Variants in FUT8 observed in about 807,000 individuals in gnomAD.
The protein encoded by FUT8 is fucosyltransferase 8, also known as alpha-(1,6)-fucosyltransferase.
In FUT8, 29 loss-of-function variants were observed where a neutral mutation model predicts 71.3. That is an observed-to-expected ratio of 0.41 (90% confidence interval 0.30 to 0.55). The LOEUF (loss-of-function observed/expected upper bound fraction) is 0.55. Among genes scored for constraint, FUT8 ranks in the 20% least tolerant of loss-of-function variants. The pLI, the probability that FUT8 is intolerant of heterozygous loss-of-function variation, is 0.34. For synonymous variants in FUT8, 254 were observed against 239.3 expected (o/e 1.06, Z -0.57); for missense variants, 544 against 702.1 (o/e 0.77, Z 2.55).
At chr14:65,506,585 A>C in intron 2 of FUT8, among the ~76,000 whole-genome samples, 1 of 152,236 alleles carries the variant, frequency 6.6e-6, no homozygotes, top group East Asian at 1.9e-4. Flanking sequence ...AAAATTGGGT[A>C]GTAAGGACAA....
At chr14:65,536,221 C>T (rs537192077) in intron 2 of FUT8, among the ~76,000 whole-genome samples, 1 of 152,214 alleles carries the variant, frequency 6.6e-6, no homozygotes, top group African/African-American at 2.4e-5. Context: ...CATTCTGTGC[C>T]TTTTAATTGG....
chr14:65,495,349 CA>C (rs1301314225), intron 2 of FUT8, among the ~76,000 whole-genome samples: 1 of 152,118 alleles, frequency 6.6e-6, no homozygotes, highest in Non-Finnish European at 1.5e-5. Flanking sequence ...GCAGAGTTTT[CA>C]CTTTGGCTGC....
the FUT8 span, among the ~76,000 whole-genome samples, chr14:65,376,064 CTGGGTGTCAGAG>C: frequency 6.6e-6 from 1 of 150,538 alleles, no homozygotes; most frequent in East Asian, 1.9e-4. Flanking sequence ...GCACTCCAGC[CTGGGTGTCAGAG>C]TGAGACCCTG....
At chr14:65,595,649 C>T (rs1306287483) in intron 3 of FUT8, among the ~76,000 whole-genome samples, 5 of 134,050 alleles carry the variant, frequency 3.7e-5, no homozygotes, top group African/African-American at 1.4e-4. Flanking sequence ...CTCTCTGTCA[C>T]CCAGGCTGGA....
chr14:65,521,665 C>G lies in FUT8; in HGVS notation c.-227-39672C>G, dbSNP rs575623135. Among the ~76,000 whole-genome samples the G allele has an allele frequency of 5.7e-4, 87 of 152,340 alleles. 1 individual carries two copies. The highest frequency in any genetic ancestry group is 1.8e-4 in the Non-Finnish European group (12 of 68,036). ...ATATTTAGAAACATAAGAAATTTAA[C>G]TGTGCATGGCACAAGGTGGTCTTAT... On this transcript the variant is annotated intron_variant, in intron 2 of 10. Coordinates refer to ENST00000673929, the MANE Select transcript of FUT8 (RefSeq NM_001371533.1).
At chr14:65,433,786 TTCTCTCTCTCTCTCTC>T (rs71126744) in intron 1 of FUT8, among the ~76,000 whole-genome samples, 4 of 144,870 alleles carry the variant, frequency 2.8e-5, no homozygotes, top group African/African-American at 8.0e-5. Context: ...CTTCTGTCTC[TTCTCTCTCTCTCTCTC>T]TCTCTCTCTC....
intron 9 of FUT8, among the ~76,000 whole-genome samples, chr14:65,727,433 T>C (rs1382469791): frequency 6.6e-6 from 1 of 152,166 alleles, no homozygotes; most frequent in African/African-American, 2.4e-5. Context: ...CCCAACACCA[T>C]GTGGAAGCTG....
chr14:65,365,654 C>T, the FUT8 span, among the ~76,000 whole-genome samples: 2 of 152,194 alleles, frequency 1.3e-5, no homozygotes, highest in South Asian at 4.2e-4. Context: ...CTCCCACCAG[C>T]GCCATGACAG....
chr14:65,452,953 C>T (rs1337442954), intron 1 of FUT8, among the ~76,000 whole-genome samples: 3 of 152,122 alleles, frequency 2.0e-5, no homozygotes, highest in Non-Finnish European at 4.4e-5. Flanking sequence ...GTCCTAGTCT[C>T]CTAATTCTAT....
chr14:65,419,339 CTA>C (rs2065260925), intron 1 of FUT8, among the ~76,000 whole-genome samples: 2 of 151,808 alleles, frequency 1.3e-5, no homozygotes, highest in Admixed American at 6.6e-5. Flanking sequence ...AAAAAAAAAA[CTA>C]TGTTCATTGA....
chr14:65,485,368 C>T (rs141069541), intron 2 of FUT8, among the ~76,000 whole-genome samples: 276 of 151,868 alleles, frequency 1.8e-3, no homozygotes, highest in African/African-American at 6.1e-3. Flanking sequence ...AATTTTGTTC[C>T]GGATATGTAG....
intron 7 of FUT8, among the ~76,000 whole-genome samples, chr14:65,674,717 A>G (rs1241474292): frequency 5.3e-5 from 8 of 152,216 alleles, no homozygotes; most frequent in Non-Finnish European, 5.9e-5. Flanking sequence ...TTCTATCTCA[A>G]CATACCTAAG....
the FUT8 span, among the ~76,000 whole-genome samples, chr14:65,388,425 G>A: frequency 6.6e-6 from 1 of 152,092 alleles, no homozygotes; most frequent in Non-Finnish European, 1.5e-5. Flanking sequence ...TACCTAATAA[G>A]GAAAACTAAT....
chr14:65,730,555 C>T (rs1232416352), intron 9 of FUT8, among the ~76,000 whole-genome samples: 1 of 151,962 alleles, frequency 6.6e-6, no homozygotes, highest in Admixed American at 6.6e-5. Flanking sequence ...CGCCTGTGGT[C>T]CCAGCCACTC....
At chr14:65,699,248 A>T (rs1894165186) in intron 7 of FUT8, among the ~76,000 whole-genome samples, 1 of 151,256 alleles carries the variant, frequency 6.6e-6, no homozygotes. Flanking sequence ...AACCCTGGGA[A>T]ACTAATCCTT....
intron 3 of FUT8, among the ~76,000 whole-genome samples, chr14:65,598,961 T>C (rs1345529654): frequency 6.6e-6 from 1 of 151,954 alleles, no homozygotes; most frequent in Non-Finnish European, 1.5e-5. Flanking sequence ...TGGCTAATTT[T>C]TTGTATTTTA....
intron 9 of FUT8, among the ~76,000 whole-genome samples, chr14:65,725,095 A>G (rs571590824): frequency 1.3e-5 from 2 of 152,364 alleles, no homozygotes; most frequent in South Asian, 4.1e-4. Flanking sequence ...AACTGAACAC[A>G]TATGTAGAGT....
At chr14:65,526,045 T>C (rs1883443297) in intron 2 of FUT8, among the ~76,000 whole-genome samples, 1 of 152,206 alleles carries the variant, frequency 6.6e-6, no homozygotes, top group Non-Finnish European at 1.5e-5. Context: ...TCTGTTGATT[T>C]GGGGTGGGGA....
At chr14:65,626,279 G>GACAAA (rs1889892367) in intron 5 of FUT8, among the ~76,000 whole-genome samples, 1 of 151,334 alleles carries the variant, frequency 6.6e-6, no homozygotes, top group African/African-American at 2.4e-5. Context: ...ATTTTTTAAA[G>GACAAA]AGCTTTAGAG....
Sources: gnomAD v4.1 joint callset for allele counts (sites outside exome capture counted in the v4.1 genomes callset) on GRCh38, gnomAD v4.1.1 for gene constraint, MANE v1.5 for transcripts, NCBI Gene and HGNC (gene_info 2026-07-23, HGNC 2026-07-21) for gene names.